PHYKPL: variants seen among roughly 807,000 people sequenced by gnomAD.
PHYKPL encodes 5-phosphohydroxy-L-lysine phospho-lyase.
PHYKPL carries 42 observed loss-of-function variants against 51.3 expected under a neutral mutation model. The observed-to-expected ratio is 0.82, with a 90% CI of 0.64 to 1.06. The LOEUF (loss-of-function observed/expected upper bound fraction) is 1.06, where lower values mean the gene tolerates loss of function less well. PHYKPL is among the 50% of genes least tolerant of loss of function. The probability of loss-of-function intolerance (pLI) is 0.00; values close to 1 mark genes in which losing one functional copy is unlikely to be tolerated. For synonymous variants in PHYKPL, 264 were observed against 236.0 expected, an observed-to-expected ratio of 1.12 and a Z score of -1.09; for missense variants, 655 against 586.6, an observed-to-expected ratio of 1.12 and a Z score of -1.20.
chr5:178,221,185 C>G (rs956175742), intron 8 of PHYKPL, among the ~76,000 whole-genome samples: 2 of 152,172 alleles, frequency 1.3e-5, no homozygotes, highest in African/African-American at 4.8e-5. Context: ...AGGATTCTAT[C>G]TAATTATGTA....
Position 178,232,617 on chromosome 5 carries a change from A to C in PHYKPL, c.-67T>G. 2.4e-6 allele frequency: 3 copies of C among 1,243,546 alleles called. No individual in the cohort carries two copies. Among genetic ancestry groups the C allele is most frequent in the Non-Finnish European group, 3.0e-6 (3 of 994,394 alleles). The allele number at this position is 1,243,546 out of a possible 1,614,324, so 77.0% of individuals were successfully genotyped here. On this transcript the variant is annotated 5_prime_UTR_variant, in exon 1 of 13. Coordinates refer to ENST00000308158, the MANE Select transcript of PHYKPL (RefSeq NM_153373.4). ...CGTCGCCGCGCGGGCTGGGCCTCCA[A>C]GGCCCCGCTCCGGGCCCCGCCCCTG...
chr5:178,208,029 G>T (rs376809408), downstream of PHYKPL, among the ~76,000 whole-genome samples: 225 of 152,260 alleles, frequency 1.5e-3, 3 homozygotes, highest in African/African-American at 5.0e-3. Context: ...TCCTTCCAAA[G>T]ATCTCCCAGG....
intron 7 of PHYKPL, 131 bp from the exon 8 acceptor site, chr5:178,222,711 T>C: frequency 7.5e-7 from 1 of 1,339,738 alleles, no homozygotes; most frequent in East Asian, 2.5e-5. Flanking sequence ...TGGCTGGCCT[T>C]CTCTGGGCCA....
chr5:178,210,936 A>G, intron 12 of PHYKPL: 1 of 384,964 alleles, frequency 2.6e-6, no homozygotes, highest in Non-Finnish European at 4.7e-6. Context: ...CCCTGGTTGT[A>G]AAGAGTAAAT....
intron 8 of PHYKPL, among the ~76,000 whole-genome samples, chr5:178,220,883 G>GA (rs778994649): frequency 8.5e-4 from 129 of 151,546 alleles, no homozygotes; most frequent in Non-Finnish European, 1.4e-3. Flanking sequence ...TATGTTAGTA[G>GA]AAAAAAAAAT....
rs1041555458 is a variant in PHYKPL at position 178,232,619 on chromosome 5, G to A, written c.-69C>T. On this transcript the variant is annotated 5_prime_UTR_variant, in exon 1 of 13. Coordinates refer to ENST00000308158, the MANE Select transcript of PHYKPL (RefSeq NM_153373.4). ...TCGCCGCGCGGGCTGGGCCTCCAAG[G>A]CCCCGCTCCGGGCCCCGCCCCTGCC... The A allele has an allele frequency of 8.1e-7, 1 of 1,240,092 alleles. No individual in the cohort carries two copies. Among genetic ancestry groups the A allele is most frequent in the Non-Finnish European group, 1.0e-6 (1 of 992,078 alleles). The allele number at this position is 1,240,092 out of a possible 1,614,324, so 76.8% of individuals were successfully genotyped here. A position where few individuals can be genotyped will look rare whatever the true frequency, so the allele number is the denominator to read the frequency against.
At chr5:178,231,820 G>A (rs1028834818) in intron 1 of PHYKPL, 1 of 1,377,544 alleles carries the variant, frequency 7.3e-7, no homozygotes, top group Non-Finnish European at 9.6e-7. Flanking sequence ...CGGATCCTGA[G>A]AAAAGGTGGC....
chr5:178,209,054 G>A, intron 12 of PHYKPL, 139 bp from the exon 13 acceptor site: 1 of 396,104 alleles, frequency 2.5e-6, no homozygotes, highest in Non-Finnish European at 4.7e-6. Context: ...GCTGCAGTTG[G>A]CCCAGTTGCC....
Position 178,218,232 on chromosome 5 carries a change from A to AG in PHYKPL, c.928-2803_928-2802insC, listed in dbSNP as rs909947123. Among the ~76,000 whole-genome samples the AG allele has an allele frequency of 4.7e-5, 7 of 150,494 alleles. 1 individual carries two copies. The highest frequency in any genetic ancestry group is 1.7e-4 in the African/African-American group (7 of 41,056). ...ACTCCGTCTCAAAAAAAAAAAAAAA[A>AG]AAAAAAGAAAGAAAAGAAAAACAGT... On this transcript the variant is annotated intron_variant, in intron 8 of 12. Coordinates refer to ENST00000308158, the MANE Select transcript of PHYKPL (RefSeq NM_153373.4).
intron 8 of PHYKPL, among the ~76,000 whole-genome samples, chr5:178,219,587 C>G (rs1760698696): frequency 6.6e-6 from 1 of 151,868 alleles, no homozygotes; most frequent in Non-Finnish European, 1.5e-5. Flanking sequence ...GTAGCTGGGA[C>G]TACAGGTGCC....
At chr5:178,222,820 C>G (rs1463825306) in intron 7 of PHYKPL, 32 bp downstream of exon 7, 4 of 1,610,730 alleles carry the variant, frequency 2.5e-6, no homozygotes, top group Non-Finnish European at 3.4e-6. Context: ...GACCCCTGCC[C>G]TCCCTAGAGC....
At chr5:178,219,689 A>G (rs1760731605) in intron 8 of PHYKPL, among the ~76,000 whole-genome samples, 2 of 151,910 alleles carry the variant, frequency 1.3e-5, no homozygotes, top group Non-Finnish European at 2.9e-5. Context: ...TGACCTCGTG[A>G]TCTGCCCACC....
chr5:178,224,390 G>A (rs1490721648), intron 6 of PHYKPL, 58 bp downstream of exon 6: 1 of 1,467,694 alleles, frequency 6.8e-7, no homozygotes, highest in Non-Finnish European at 9.2e-7. Flanking sequence ...CACAGTGGCG[G>A]TGACAACGGA....
intron 6 of PHYKPL, 119 bp from the exon 7 acceptor site, chr5:178,223,053 A>C: frequency 2.2e-6 from 2 of 922,858 alleles, no homozygotes; most frequent in Non-Finnish European, 3.4e-6. Context: ...CTGCACCCCT[A>C]CTTTGGGTTC....
chr5:178,207,476 G>A (rs1757121031), downstream of PHYKPL, among the ~76,000 whole-genome samples: 1 of 152,154 alleles, frequency 6.6e-6, no homozygotes, highest in Admixed American at 6.5e-5. Flanking sequence ...GAATAGAGCA[G>A]GTTGAGTAGC....
chr5:178,228,849 A>G (rs1293688810), intron 3 of PHYKPL, among the ~76,000 whole-genome samples: 1 of 152,196 alleles, frequency 6.6e-6, no homozygotes, highest in Non-Finnish European at 1.5e-5. Flanking sequence ...GTTCCCTTTA[A>G]GACATCGTTT....
chr5:178,224,194 T>G, intron 6 of PHYKPL: 1 of 468,182 alleles, frequency 2.1e-6, no homozygotes. Context: ...ACCCCTACTG[T>G]GTCAGAGAGC....
intron 8 of PHYKPL, among the ~76,000 whole-genome samples, chr5:178,217,859 G>GAA (rs1198909852): frequency 1.9e-4 from 17 of 90,906 alleles, no homozygotes; most frequent in African/African-American, 3.7e-4. Flanking sequence ...CTCCGTCTCA[G>GAA]AAAAAAAAAA....
At chr5:178,232,324 C>T (rs3749808) in intron 1 of PHYKPL, 168 bp downstream of exon 1, 210,226 of 1,267,322 alleles carry the variant, frequency 0.17, 21,169 homozygotes, top group African/African-American at 0.48. Context: ...CGCCGCCCGC[C>T]TCGGGCCCTA....
Sources: gnomAD v4.1 joint callset for allele counts (sites outside exome capture counted in the v4.1 genomes callset) on GRCh38, gnomAD v4.1.1 for gene constraint, MANE v1.5 for transcripts, NCBI Gene and HGNC (gene_info 2026-07-23, HGNC 2026-07-21) for gene names.